CACNA2D3: variants seen among roughly 807,000 people sequenced by gnomAD.
CACNA2D3 encodes the protein voltage-dependent calcium channel subunit alpha-2/delta-3.
CACNA2D3 carries 60 observed loss-of-function variants against 160.6 expected under a neutral mutation model. That is an observed-to-expected ratio of 0.37 (90% CI 0.30 to 0.46). CACNA2D3 has a LOEUF of 0.46. CACNA2D3 is among the 20% of genes least tolerant of loss of function. The probability of loss-of-function intolerance (pLI) is 1.00; values close to 1 mark genes in which losing one functional copy is unlikely to be tolerated. For synonymous variants in CACNA2D3, 558 were observed against 492.9 expected, an observed-to-expected ratio of 1.13 and a Z score of -1.75; for missense variants, 1,205 against 1,365.0, an observed-to-expected ratio of 0.88 and a Z score of 1.85.
intron 23 of CACNA2D3, among the ~76,000 whole-genome samples, chr3:54,886,956 A>G (rs1203927318): frequency 1.7e-4 from 2 of 11,734 alleles, no homozygotes; most frequent in Non-Finnish European, 1.2e-4. Context: ...TTTTGCCCCC[A>G]GTCAAGGTGA....
intron 35 of CACNA2D3, among the ~76,000 whole-genome samples, chr3:55,053,662 T>G (rs1704288544): frequency 6.6e-6 from 1 of 152,124 alleles, no homozygotes; most frequent in Admixed American, 6.5e-5. Flanking sequence ...AGCTTCCTTA[T>G]CATTTCTAGT....
intron 2 of CACNA2D3, among the ~76,000 whole-genome samples, chr3:54,135,183 AGTTT>A (rs1462185911): frequency 1.3e-5 from 2 of 151,908 alleles, no homozygotes; most frequent in Non-Finnish European, 2.9e-5. Context: ...CTGCTTCTTT[AGTTT>A]GTTTATTTGT....
At chr3:54,307,927 A>C (rs73841955) in intron 2 of CACNA2D3, among the ~76,000 whole-genome samples, 2,651 of 152,362 alleles carry the variant, frequency 0.017, 83 homozygotes, top group African/African-American at 0.06. Flanking sequence ...GCTGGGATTA[A>C]GGAAGTCAGA....
At chr3:54,822,683 C>T (rs1440702100) in intron 14 of CACNA2D3, among the ~76,000 whole-genome samples, 55 of 152,008 alleles carry the variant, frequency 3.6e-4, no homozygotes, top group Non-Finnish European at 1.5e-5. Flanking sequence ...TCCTGGGGGT[C>T]ATGGAGCTCT....
chr3:55,041,553 A>C lies in CACNA2D3; in HGVS notation c.2987+23236A>C, dbSNP rs76146279. On this transcript the variant is annotated intron_variant, in intron 35 of 37. Coordinates refer to ENST00000474759, the MANE Select transcript of CACNA2D3 (RefSeq NM_018398.3). ...GTTGTTTTTACATGTGTTAGAAATA[A>C]TTCTTTATAATGAAATGTGTTGCAA... Among the ~76,000 whole-genome samples the C allele has an allele frequency of 7.1e-3, 1,086 of 152,284 alleles. 67 individuals carry two copies. In the East Asian group the frequency reaches 0.14, roughly 20 times the overall value.
rs1700509457 is a variant in CACNA2D3, at chr3:54,169,100, TGA to T, written c.204+45508_204+45509del. ...TTATCCTGAGTCTGCTTGTGAGCTGTGAGTTAGTTGTGACACGAGAGACCCCA... is the reference window on the plus strand; with the variant it reads ...TTATCCTGAGTCTGCTTGTGAGCTGTGTTAGTTGTGACACGAGAGACCCCA... On this transcript the variant is annotated intron_variant, in intron 2 of 37. Transcript: ENST00000474759. Among the ~76,000 whole-genome samples the T allele has an allele frequency of 2.0e-5, 3 of 152,322 alleles. No homozygotes were observed. The South Asian group carries it at 6.2e-4, about 32-fold the overall frequency.
intron 17 of CACNA2D3, among the ~76,000 whole-genome samples, chr3:54,858,112 G>A (rs1235270853): frequency 6.6e-6 from 1 of 151,232 alleles, no homozygotes; most frequent in Non-Finnish European, 1.5e-5. Context: ...TGATGAATTA[G>A]CAATAAAAAC....
chr3:54,734,331 A>G (rs1701453831), intron 11 of CACNA2D3, among the ~76,000 whole-genome samples: 1 of 152,090 alleles, frequency 6.6e-6, no homozygotes, highest in South Asian at 2.1e-4. Context: ...AAAGAAATTC[A>G]CCCCATGACT....
intron 2 of CACNA2D3, among the ~76,000 whole-genome samples, chr3:54,157,835 C>CCA (rs749735814): frequency 1.1e-4 from 15 of 134,368 alleles, no homozygotes; most frequent in Admixed American, 2.2e-4. Context: ...CCCAACCAAA[C>CCA]AAAAAAAAAA....
At chr3:54,914,995 A>C (rs1257003611) in intron 27 of CACNA2D3, among the ~76,000 whole-genome samples, 1 of 152,236 alleles carries the variant, frequency 6.6e-6, no homozygotes, top group Non-Finnish European at 1.5e-5. Context: ...TTAGGATCTA[A>C]GATAAAGGTG....
intron 35 of CACNA2D3, among the ~76,000 whole-genome samples, chr3:55,020,466 A>G (rs1169688295): frequency 1.3e-5 from 2 of 150,012 alleles, no homozygotes; most frequent in Non-Finnish European, 3.0e-5. Flanking sequence ...TGTATGTATT[A>G]CATACTTTAT....
chr3:54,122,921 G>A lies in CACNA2D3; in HGVS notation c.122+86G>A, dbSNP rs902081891. 13 of 1,146,260 alleles carry A rather than the reference G, an allele frequency of 1.1e-5. No homozygotes were observed. The African/African-American group carries it at 1.6e-4, about 14-fold the overall frequency. The allele number at this position is 1,146,260 out of a possible 1,614,324, so 71.0% of individuals were successfully genotyped here. A position where few individuals can be genotyped will look rare whatever the true frequency, so the allele number is the denominator to read the frequency against. ...CCAAGTTTGGGCGCCTGCAGGTGCGGCTGGGCAGGACCCGCCGCGGGCGTC... is the reference window on the plus strand; with the variant it reads ...CCAAGTTTGGGCGCCTGCAGGTGCGACTGGGCAGGACCCGCCGCGGGCGTC... On this transcript the variant is annotated intron_variant, in intron 1 of 37. Coordinates refer to ENST00000474759, the MANE Select transcript of CACNA2D3 (RefSeq NM_018398.3).
chr3:54,514,488 C>T lies in CACNA2D3; in HGVS notation c.544+10834C>T, dbSNP rs551324608. Among the ~76,000 whole-genome samples, 20 of 152,284 alleles carry T rather than the reference C, an allele frequency of 1.3e-4. No individual in the cohort carries two copies. In the East Asian group the frequency reaches 2.5e-3, roughly 19 times the overall value. ...CGTGGAGCACCTCTAGCATGCCAGA[C>T]GCTGCATGGGTGTGAGGAGGTGTGG... is the stretch of plus-strand genomic sequence containing the variant. On this transcript the variant is annotated intron_variant, in intron 5 of 37. Transcript: ENST00000474759.
intron 2 of CACNA2D3, among the ~76,000 whole-genome samples, chr3:54,278,495 C>A (rs1250769372): frequency 6.6e-6 from 1 of 152,112 alleles, no homozygotes; most frequent in Admixed American, 6.5e-5. Context: ...GGTGTATACC[C>A]AAAGGATTAT....
chr3:54,593,138 G>A (rs1290869128), intron 9 of CACNA2D3, among the ~76,000 whole-genome samples: 1 of 152,140 alleles, frequency 6.6e-6, no homozygotes, highest in Non-Finnish European at 1.5e-5. Context: ...GAGTTGCACT[G>A]CTTTTTAAAT....
At chr3:54,219,513 A>G (rs1016127976) in intron 2 of CACNA2D3, among the ~76,000 whole-genome samples, 17 of 152,114 alleles carry the variant, frequency 1.1e-4, no homozygotes, top group African/African-American at 3.4e-4. Context: ...CATCTGCCTG[A>G]ACTCTGTAGG....
chr3:54,703,184 A>G (rs1227181184), intron 11 of CACNA2D3, among the ~76,000 whole-genome samples: 2 of 152,172 alleles, frequency 1.3e-5, no homozygotes, highest in Admixed American at 6.6e-5. Flanking sequence ...AGTGACATGC[A>G]ATTTACTCAT....
intron 2 of CACNA2D3, among the ~76,000 whole-genome samples, chr3:54,313,972 T>C (rs1289628485): frequency 1.3e-5 from 2 of 151,926 alleles, no homozygotes; most frequent in East Asian, 3.9e-4. Context: ...TAGTGGTGAT[T>C]TGTGAGATTT....
rs147021999 is a variant in CACNA2D3 at position 54,561,045 on chromosome 3, G to C, written c.545-1755G>C. Among the ~76,000 whole-genome samples, 686 of 152,282 alleles carry C rather than the reference G, an allele frequency of 4.5e-3. 6 individuals carry two copies. The highest frequency in any genetic ancestry group is 0.015 in the African/African-American group (643 of 41,550). On this transcript the variant is annotated intron_variant, in intron 5 of 37. Coordinates refer to ENST00000474759, the MANE Select transcript of CACNA2D3 (RefSeq NM_018398.3). The stretch of plus-strand genomic sequence containing the variant: ...AGCTTTATTCATTTTGATTAGGGTT[G>C]CCTTGGCTATTCAGGCTCTTTTTTA...
Sources: gnomAD v4.1 joint callset for allele counts (sites outside exome capture counted in the v4.1 genomes callset) on GRCh38, gnomAD v4.1.1 for gene constraint, MANE v1.5 for transcripts, NCBI Gene and HGNC (gene_info 2026-07-23, HGNC 2026-07-21) for gene names.